Variants in FLYWCH2 observed in about 807,000 individuals in gnomAD.
FLYWCH2 encodes FLYWCH family member 2.
In FLYWCH2, 2 loss-of-function variants were observed where a neutral mutation model predicts 6.0. That is an observed-to-expected ratio of 0.33 (90% CI 0.14 to 1.04). The LOEUF (loss-of-function observed/expected upper bound fraction) is 1.04, where lower values mean the gene tolerates loss of function less well. Ranked by LOEUF, FLYWCH2 falls within the 50% of genes least tolerant of loss-of-function variation. The pLI is 0.45. For synonymous variants in FLYWCH2, 87 were observed against 79.3 expected, an observed-to-expected ratio of 1.10 and a Z score of -0.52; for missense variants, 192 against 183.4, an observed-to-expected ratio of 1.05 and a Z score of -0.27.
At chr16:2,897,996 C>T (rs182980191) in intron 3 of FLYWCH2, among the ~76,000 whole-genome samples, 1 of 152,150 alleles carries the variant, frequency 6.6e-6, no homozygotes, top group Non-Finnish European at 1.5e-5. Flanking sequence ...AACAGGTGGT[C>T]CCCTGGGGTC....
intron 1 of FLYWCH2, among the ~76,000 whole-genome samples, chr16:2,890,945 G>A (rs2069750481): frequency 6.6e-6 from 1 of 152,158 alleles, no homozygotes; most frequent in African/African-American, 2.4e-5. Flanking sequence ...CCTGGAGGGG[G>A]AAGTGTCCGC....
In FLYWCH2 at chr16:2,896,682, A is replaced by G. The variant is rs756836759; in HGVS notation, c.233A>G (p.Lys78Arg). 1.2e-6 allele frequency: 2 copies of G among 1,612,912 alleles called. No individual in the cohort carries two copies. Among genetic ancestry groups the G allele is most frequent in the Admixed American group, 1.7e-5 (1 of 59,970 alleles). ...LGVPGPATLAKALLQTHPEAQ... is the reference protein window; with the variant it reads ...LGVPGPATLARALLQTHPEAQ... ...GTGCCCGGCCCCGCCACCCTTGCCA[A>G]GGCCCTCCTCCAGACCCACCCCGAG... Residue 78 changes from lysine to arginine, a missense_variant, in exon 3 of 4, where the codon AAG becomes AGG. Physicochemically the swap from Lys to Arg is conservative, Grantham distance 26. Transcript: ENST00000396958.
At position 2,899,289 on chromosome 16, in the gene FLYWCH2, TCAAGTATAAGTTAC is replaced by T; in HGVS notation, c.*141_*154del. The T allele has an allele frequency of 1.9e-6, 1 of 526,552 alleles. No homozygotes were observed. The highest frequency in any genetic ancestry group is 3.3e-6 in the Non-Finnish European group (1 of 306,646). The allele number at this position is 526,552 out of a possible 1,614,324, so 32.6% of individuals were successfully genotyped here. ...TTTTCTTTTTTTTTTTTTTTTTAGA[TCAAGTATAAGTTAC>T]TTTTGTAAGCAGAAAAATACTTTCA... is the stretch of plus-strand genomic sequence containing the variant. On this transcript the variant is annotated 3_prime_UTR_variant, in exon 4 of 4. Coordinates refer to ENST00000396958, the MANE Select transcript of FLYWCH2 (RefSeq NM_138439.3).
chr16:2,886,281 C>G (rs1251530375), intron 1 of FLYWCH2, among the ~76,000 whole-genome samples: 2 of 152,092 alleles, frequency 1.3e-5, no homozygotes, highest in Non-Finnish European at 2.9e-5. Flanking sequence ...ATCTCCACCT[C>G]CCGGGTTCAA....
intron 1 of FLYWCH2, among the ~76,000 whole-genome samples, chr16:2,893,799 G>A (rs1311794020): frequency 1.3e-5 from 2 of 151,894 alleles, no homozygotes; most frequent in Non-Finnish European, 2.9e-5. Flanking sequence ...CACCACGCCG[G>A]GCTAATTTTT....
intron 1 of FLYWCH2, among the ~76,000 whole-genome samples, chr16:2,890,544 A>G (rs1369402193): frequency 1.3e-5 from 2 of 150,810 alleles, no homozygotes; most frequent in East Asian, 3.9e-4. Context: ...CCTCCCGAGT[A>G]GCTGGGATTA....
At chr16:2,897,082 G>T (rs1275110201) in intron 3 of FLYWCH2, among the ~76,000 whole-genome samples, 1 of 152,228 alleles carries the variant, frequency 6.6e-6, no homozygotes, top group Non-Finnish European at 1.5e-5. Flanking sequence ...TCAGCTTCAA[G>T]GTCTTGGCTC....
chr16:2,892,190 C>T (rs906606715), intron 1 of FLYWCH2, among the ~76,000 whole-genome samples: 30 of 148,772 alleles, frequency 2.0e-4, no homozygotes, highest in Non-Finnish European at 2.2e-4. Context: ...GAGACTTCAT[C>T]TCAAAAAAAC....
intron 1 of FLYWCH2, among the ~76,000 whole-genome samples, chr16:2,886,543 G>A (rs867656812): frequency 1.3e-4 from 15 of 112,572 alleles, no homozygotes; most frequent in African/African-American, 5.3e-4. Flanking sequence ...TTTTTTTGAG[G>A]CGGATTTTGC....
chr16:2,899,007 A>G, intron 3 of FLYWCH2, 42 bp from the exon 4 acceptor site: 1 of 1,542,058 alleles, frequency 6.5e-7, no homozygotes, highest in Non-Finnish European at 8.9e-7. Context: ...GAGCCCTCCC[A>G]TCTCCATTGA....
chr16:2,898,065 C>T (rs539586027), intron 3 of FLYWCH2, among the ~76,000 whole-genome samples: 5 of 152,160 alleles, frequency 3.3e-5, no homozygotes, highest in Admixed American at 6.5e-5. Flanking sequence ...GTTTGCTGGC[C>T]GTGCAGGGAC....
intron 3 of FLYWCH2, among the ~76,000 whole-genome samples, chr16:2,897,356 C>T (rs954568629): frequency 2.6e-5 from 4 of 152,124 alleles, no homozygotes; most frequent in African/African-American, 7.2e-5. Flanking sequence ...ACCAAGCCTC[C>T]GGGGAGATAC....
chr16:2,885,423 C>A (rs1428885691), intron 1 of FLYWCH2, among the ~76,000 whole-genome samples: 3 of 152,176 alleles, frequency 2.0e-5, no homozygotes, highest in African/African-American at 7.2e-5. Context: ...ATTTTCATCA[C>A]CCCATAAAGC....
At chr16:2,892,118 G>A (rs1471893608) in intron 1 of FLYWCH2, among the ~76,000 whole-genome samples, 1 of 152,052 alleles carries the variant, frequency 6.6e-6, no homozygotes. Context: ...CTTGAACCTG[G>A]GAGGTGGAGG....
intron 1 of FLYWCH2, among the ~76,000 whole-genome samples, chr16:2,885,334 C>A (rs75630486): frequency 6.5e-4 from 26 of 40,102 alleles, no homozygotes; most frequent in East Asian, 1.0e-3. Flanking sequence ...CAAAACAAAA[C>A]AAAAAAAAAA....
intron 1 of FLYWCH2, among the ~76,000 whole-genome samples, chr16:2,885,478 C>A (rs1257934726): frequency 6.6e-6 from 1 of 152,214 alleles, no homozygotes; most frequent in African/African-American, 2.4e-5. Flanking sequence ...TTCCCCACCC[C>A]AATCCCGAGA....
intron 1 of FLYWCH2, among the ~76,000 whole-genome samples, chr16:2,894,591 A>G (rs1277695049): frequency 1.3e-5 from 2 of 152,142 alleles, no homozygotes; most frequent in East Asian, 3.9e-4. Context: ...GCACGGGAGG[A>G]ACAGGGGTTG....
intron 3 of FLYWCH2, chr16:2,896,997 T>G: frequency 3.4e-6 from 2 of 586,660 alleles, no homozygotes; most frequent in East Asian, 3.0e-5. Context: ...TGTTCCCCAC[T>G]CTGGAATGCG....
chr16:2,884,058 C>G (rs1210161539), intron 1 of FLYWCH2, among the ~76,000 whole-genome samples: 1 of 152,150 alleles, frequency 6.6e-6, no homozygotes, highest in African/African-American at 2.4e-5. Context: ...GTCCCGTCAT[C>G]CTGTCGGGGT....
Sources: gnomAD v4.1 joint callset for allele counts (sites outside exome capture counted in the v4.1 genomes callset) on GRCh38, gnomAD v4.1.1 for gene constraint, MANE v1.5 for transcripts, NCBI Gene and HGNC (gene_info 2026-07-23, HGNC 2026-07-21) for gene names.